GORAB: variants seen among roughly 807,000 people sequenced by gnomAD.
The protein encoded by GORAB is RAB6-interacting golgin.
A neutral mutation model predicts 29.9 loss-of-function variants in GORAB; 17 were observed. The observed-to-expected ratio is 0.57, with a 90% CI of 0.39 to 0.85. The LOEUF (loss-of-function observed/expected upper bound fraction) is 0.85, where lower values mean the gene tolerates loss of function less well. Among genes scored for constraint, GORAB ranks in the 40% least tolerant of loss-of-function variants. The pLI is 0.00. For synonymous variants in GORAB, 183 were observed against 157.2 expected, an observed-to-expected ratio of 1.16 and a Z score of -1.23; for missense variants, 442 against 437.8, an observed-to-expected ratio of 1.01 and a Z score of -0.09.
At chr1:170,540,294 C>T (rs192341439) in intron 2 of GORAB, among the ~76,000 whole-genome samples, 8 of 152,114 alleles carry the variant, frequency 5.3e-5, no homozygotes, top group Admixed American at 1.3e-4. Flanking sequence ...TGGAAGATGC[C>T]ATTTTTTGAT....
intron 4 of GORAB, among the ~76,000 whole-genome samples, chr1:170,547,850 TTAACTC>T (rs533638784): frequency 6.8e-4 from 103 of 152,332 alleles, no homozygotes; most frequent in South Asian, 2.1e-3. Flanking sequence ...GCTGAAATGA[TTAACTC>T]TATGATAAAA....
At chr1:170,542,731 A>G in intron 3 of GORAB, 139 bp downstream of exon 3, 2 of 729,522 alleles carry the variant, frequency 2.7e-6, no homozygotes, top group Admixed American at 3.8e-5. Flanking sequence ...TAAACAAATT[A>G]TGCTTTATAA....
intron 1 of GORAB, 66 bp from the exon 2 acceptor site, chr1:170,539,144 T>A: frequency 6.3e-7 from 1 of 1,580,994 alleles, no homozygotes; most frequent in Non-Finnish European, 8.7e-7. Flanking sequence ...TTTTTTATTT[T>A]CTTAGAGGAA....
Position 170,552,246 on chromosome 1 carries a change from A to G in GORAB, c.894A>G (p.Val298=), listed in dbSNP as rs1650166318. 4.3e-6 allele frequency: 7 copies of G among 1,614,154 alleles called. No individual in the cohort carries two copies. The East Asian group carries it at 1.1e-4, about 26-fold the overall frequency. The change falls in exon 5 of 5, where the codon GTA becomes GTG. Residue 298 remains valine, a synonymous_variant. Transcript: ENST00000367763. ...EVERLLHEQE[V]ESRRPVVRLE... ...AGAGATTGCTACACGAACAAGAAGT[A>G]GAATCAAGGAGACCAGTGGTTCGTT...
At position 170,553,193 on chromosome 1, in the gene GORAB, C is replaced by A. The variant is rs1183241010; in HGVS notation, c.*731C>A. The A allele has an allele frequency of 6.9e-6, 3 of 432,118 alleles. No homozygotes were observed. The highest frequency in any genetic ancestry group is 1.4e-5 in the Non-Finnish European group (3 of 219,242). 26.8% of individuals were successfully genotyped at this position (432,118 alleles called of 1,614,324 possible). The stretch of plus-strand genomic sequence containing the variant: ...TTAAATTTAGACAATTAAAACATTT[C>A]TAAAGTGAGACTGAAAATAATATAG... On this transcript the variant is annotated 3_prime_UTR_variant, in exon 5 of 5. Coordinates refer to ENST00000367763, the MANE Select transcript of GORAB (RefSeq NM_152281.3).
intron 2 of GORAB, 94 bp downstream of exon 2, chr1:170,539,661 A>T: frequency 7.5e-7 from 1 of 1,326,484 alleles, no homozygotes; most frequent in Non-Finnish European, 1.0e-6. Context: ...TTATTTTAAC[A>T]TTTTCTCTCC....
chr1:170,533,573 A>G, intron 1 of GORAB: 1 of 455,192 alleles, frequency 2.2e-6, no homozygotes. Flanking sequence ...GACAAGAGGA[A>G]CCTCACTCTG....
At chr1:170,535,138 C>T (rs974941042) in intron 1 of GORAB, among the ~76,000 whole-genome samples, 1 of 152,096 alleles carries the variant, frequency 6.6e-6, no homozygotes, top group South Asian at 2.1e-4. Context: ...AATCCTTTCA[C>T]CAGTAAATGA....
At chr1:170,532,964 C>G (rs1432270657) in intron 1 of GORAB, among the ~76,000 whole-genome samples, 1 of 152,102 alleles carries the variant, frequency 6.6e-6, no homozygotes, top group Non-Finnish European at 1.5e-5. Context: ...ATTGAATGGG[C>G]TTGTACAATT....
chr1:170,548,951 G>GA (rs1418355583), intron 4 of GORAB, among the ~76,000 whole-genome samples: 1 of 151,836 alleles, frequency 6.6e-6, no homozygotes, highest in Non-Finnish European at 1.5e-5. Flanking sequence ...AAAGACTTAA[G>GA]AAAAGATAAA....
In GORAB at chr1:170,544,784, G is replaced by C. The variant is rs1213891414; in HGVS notation, c.601G>C (p.Ala201Pro). Reference sequence around the variant, plus strand: ...GCAGGCTTTAGATGACATGGTGTCAGCTGACATTGGAATTCTCAGGAACCG... The same window carrying C: ...GCAGGCTTTAGATGACATGGTGTCACCTGACATTGGAATTCTCAGGAACCG... ...ELQALDDMVS[A>P]DIGILRNRID... The change falls in exon 4 of 5, where the codon GCT becomes CCT. Residue 201 changes from alanine to proline, a missense_variant. Physicochemically the swap from Ala to Pro is conservative, Grantham distance 27. Transcript: ENST00000367763. The C allele has an allele frequency of 6.2e-7, 1 of 1,613,888 alleles. No homozygotes were observed. Among genetic ancestry groups the C allele is most frequent in the South Asian group, 1.1e-5 (1 of 91,078 alleles).
Position 170,544,722 on chromosome 1 carries a change from C to T in GORAB, c.539C>T (p.Ala180Val), listed in dbSNP as rs770077182. The T allele has an allele frequency of 1.8e-5, 29 of 1,613,884 alleles. No individual in the cohort carries two copies. Among genetic ancestry groups the T allele is most frequent in the Middle Eastern group, 1.6e-4 (1 of 6,084 alleles). ...TTTTCTAGATCCAAAAGAACTCAGGCAGAGACCATGAAACTAAAGCGGATC... is the reference window on the plus strand; with the variant it reads ...TTTTCTAGATCCAAAAGAACTCAGGTAGAGACCATGAAACTAAAGCGGATC... ...AIAERSKRTQ[A>V]ETMKLKRIQK... The change falls in exon 4 of 5, where the codon GCA becomes GTA. Residue 180 changes from alanine to valine, a missense_variant. By Grantham distance (64) the Ala-to-Val change is moderately conservative (BLOSUM62 0). Transcript: ENST00000367763.
intron 2 of GORAB, among the ~76,000 whole-genome samples, chr1:170,541,353 A>C (rs10800527): frequency 1.3e-5 from 2 of 152,024 alleles, no homozygotes; most frequent in African/African-American, 4.8e-5. Flanking sequence ...GCAAGTTACC[A>C]TGAAGCTCTC....
At chr1:170,551,694 C>T (rs1290954956) in intron 4 of GORAB, among the ~76,000 whole-genome samples, 1 of 152,160 alleles carries the variant, frequency 6.6e-6, no homozygotes, top group East Asian at 1.9e-4. Context: ...TCAGGGCTCC[C>T]CATCCTCCCA....
intron 4 of GORAB, among the ~76,000 whole-genome samples, chr1:170,548,647 TACAGC>T (rs1649908967): frequency 1.3e-5 from 2 of 152,342 alleles, no homozygotes; most frequent in East Asian, 3.9e-4. Flanking sequence ...TGATACTTTG[TACAGC>T]ACAGTAAAGA....
At chr1:170,532,321 T>G (rs772246933) in intron 1 of GORAB, 37 bp downstream of exon 1, 1 of 1,608,194 alleles carries the variant, frequency 6.2e-7, no homozygotes, top group Non-Finnish European at 8.5e-7. Context: ...AATTCTTGGG[T>G]CTTAAGGGGA....
In GORAB at chr1:170,545,289, A is replaced by C. The variant is rs1012336326; in HGVS notation, c.662+444A>C. 3.0e-6 allele frequency: 3 copies of C among 984,716 alleles called. No homozygotes were observed. In the African/African-American group the frequency reaches 5.2e-5, roughly 17 times the overall value. 61.0% of individuals were successfully genotyped at this position (984,716 alleles called of 1,614,324 possible). A position where few individuals can be genotyped will look rare whatever the true frequency, so the allele number is the denominator to read the frequency against. ...AAGTCTAGTCCTCACTTTAGCTTTC[A>C]TCAGAGTAAGAGGATCTAGTTTAGT... On this transcript the variant is annotated intron_variant, in intron 4 of 4. Coordinates refer to ENST00000367763, the MANE Select transcript of GORAB (RefSeq NM_152281.3).
rs1287161170 is a variant in GORAB at position 170,539,186 on chromosome 1, T to A, written c.62-24T>A. The A allele has an allele frequency of 1.9e-6, 3 of 1,613,608 alleles. No individual in the cohort carries two copies. In the African/African-American group the frequency reaches 4.0e-5, roughly 22 times the overall value. On this transcript the variant is annotated intron_variant, in intron 1 of 4. Transcript: ENST00000367763. ...TTATTTGCTGCCCACACAAAGGAAT[T>A]TTCCTCTATTTTCTTTTACATAGAT... is the stretch of plus-strand genomic sequence containing the variant.
intron 4 of GORAB, chr1:170,545,724 AT>A (rs1649716284): frequency 1.0e-6 from 1 of 985,026 alleles, no homozygotes; most frequent in Non-Finnish European, 1.2e-6. Context: ...GAATGTTTAT[AT>A]AACAATTTAT....
Sources: gnomAD v4.1 joint callset for allele counts (sites outside exome capture counted in the v4.1 genomes callset) on GRCh38, gnomAD v4.1.1 for gene constraint, MANE v1.5 for transcripts, NCBI Gene and HGNC (gene_info 2026-07-23, HGNC 2026-07-21) for gene names.